PCDH9: variants seen among roughly 807,000 people sequenced by gnomAD.
PCDH9 encodes protocadherin 9, also known as protocadherin-9.
Under a neutral mutation model 70.6 loss-of-function variants are expected in PCDH9, and 24 were observed. That is an observed-to-expected ratio of 0.34 (90% confidence interval 0.25 to 0.48). PCDH9 has a LOEUF of 0.48. Ranked by LOEUF, PCDH9 falls within the 20% of genes least tolerant of loss-of-function variation. PCDH9 has a pLI of 0.99. For missense variants in PCDH9, 1,281 were observed against 1,503.6 expected, an observed-to-expected ratio of 0.85 and a Z score of 2.45; for synonymous variants, 562 against 558.5, an observed-to-expected ratio of 1.01 and a Z score of -0.09.
At chr13:66,897,370 T>C (rs1324181760) in intron 3 of PCDH9, among the ~76,000 whole-genome samples, 3 of 151,914 alleles carry the variant, frequency 2.0e-5, no homozygotes, top group Admixed American at 2.0e-4. Flanking sequence ...TCTAAAGAAG[T>C]CTCAACTTTG....
rs941736842 is a variant in PCDH9 at position 66,457,011 on chromosome 13, G to T, written c.3341-151983C>A. ...AAAAGTAATTACTATCCTGAATTTA[G>T]TAAATATTATGTCTTCATGCTTTTT... On this transcript the variant is annotated intron_variant, in intron 4 of 4. Coordinates refer to ENST00000377865, the MANE Select transcript of PCDH9 (RefSeq NM_203487.3). Among the ~76,000 whole-genome samples, 3 of 152,006 alleles carry T rather than the reference G, an allele frequency of 2.0e-5. No homozygotes were observed. The East Asian group carries it at 5.8e-4, about 29-fold the overall frequency.
At chr13:66,733,941 C>T (rs899749759) in intron 3 of PCDH9, among the ~76,000 whole-genome samples, 1 of 152,112 alleles carries the variant, frequency 6.6e-6, no homozygotes, top group Non-Finnish European at 1.5e-5. Context: ...GGCTTTGCCC[C>T]GGAGAGGTCT....
chr13:66,940,810 A>G (rs2082995504), intron 2 of PCDH9, among the ~76,000 whole-genome samples: 1 of 151,652 alleles, frequency 6.6e-6, no homozygotes, highest in South Asian at 2.1e-4. Context: ...AAAAAATTTC[A>G]GAGTCATTCA....
chr13:67,210,337 G>A (rs1232553119), intron 2 of PCDH9: 1 of 151,896 alleles, frequency 6.6e-6, no homozygotes, highest in Admixed American at 6.6e-5. Context: ...AAAGATAGAG[G>A]CAATACTGTG....
intron 2 of PCDH9, among the ~76,000 whole-genome samples, chr13:67,092,388 G>T (rs1280208134): frequency 1.6e-5 from 2 of 123,046 alleles, no homozygotes; most frequent in Non-Finnish European, 3.7e-5. Flanking sequence ...TCAATAACAT[G>T]TTTTTTTTAT....
intron 2 of PCDH9, among the ~76,000 whole-genome samples, chr13:66,925,199 CAG>C (rs1490399416): frequency 6.6e-6 from 1 of 151,802 alleles, no homozygotes; most frequent in African/African-American, 2.4e-5. Context: ...GATGATTGTT[CAG>C]AGAGTTTAAA....
intron 3 of PCDH9, among the ~76,000 whole-genome samples, chr13:66,773,643 A>C (rs1259931932): frequency 6.6e-6 from 1 of 151,432 alleles, no homozygotes; most frequent in African/African-American, 2.4e-5. Context: ...AAAATAAATA[A>C]ATAAAATAAA....
At chr13:66,559,675 C>T (rs900163946) in intron 4 of PCDH9, among the ~76,000 whole-genome samples, 6 of 150,044 alleles carry the variant, frequency 4.0e-5, no homozygotes, top group Middle Eastern at 3.4e-3. Context: ...TGGCGGGTGC[C>T]TGTAGTCCCA....
At chr13:66,598,020 C>G (rs1326248196) in intron 4 of PCDH9, among the ~76,000 whole-genome samples, 1 of 151,590 alleles carries the variant, frequency 6.6e-6, no homozygotes, top group African/African-American at 2.4e-5. Flanking sequence ...AAAACCACAA[C>G]AAGATATCAC....
chr13:66,400,448 A>G (rs746233771), intron 4 of PCDH9, among the ~76,000 whole-genome samples: 50 of 152,174 alleles, frequency 3.3e-4, no homozygotes, highest in Non-Finnish European at 6.6e-4. Context: ...AAAATATATC[A>G]TCATCAGTTA....
At chr13:66,481,942 G>GCACACACA (rs10611896) in intron 4 of PCDH9, among the ~76,000 whole-genome samples, 1 of 148,616 alleles carries the variant, frequency 6.7e-6, no homozygotes, top group Non-Finnish European at 1.5e-5. Context: ...ACACATGCAC[G>GCACACACA]CACACACACA....
intron 4 of PCDH9, among the ~76,000 whole-genome samples, chr13:66,572,298 C>T (rs1349029181): frequency 2.6e-5 from 4 of 152,068 alleles, no homozygotes; most frequent in African/African-American, 9.7e-5. Flanking sequence ...ACTATGTGTG[C>T]TAGCATACAC....
chr13:66,800,603 T>C (rs1256139686), intron 3 of PCDH9, among the ~76,000 whole-genome samples: 1 of 152,132 alleles, frequency 6.6e-6, no homozygotes, highest in East Asian at 1.9e-4. Context: ...ATACGCCAAA[T>C]GGATAAATAA....
At chr13:66,905,425 A>C (rs2082344846) in intron 2 of PCDH9, among the ~76,000 whole-genome samples, 1 of 152,160 alleles carries the variant, frequency 6.6e-6, no homozygotes, top group Admixed American at 6.6e-5. Context: ...ATTTTTAAAA[A>C]TGTCAATGAC....
chr13:66,383,525 C>T (rs1956880941), intron 4 of PCDH9, among the ~76,000 whole-genome samples: 1 of 152,164 alleles, frequency 6.6e-6, no homozygotes, highest in Non-Finnish European at 1.5e-5. Context: ...AGCTGCAATT[C>T]TAGGACATTA....
At chr13:66,416,943 C>G (rs1016790581) in intron 4 of PCDH9, among the ~76,000 whole-genome samples, 4 of 152,134 alleles carry the variant, frequency 2.6e-5, no homozygotes, top group African/African-American at 9.7e-5. Flanking sequence ...AAAATGTTAT[C>G]AAATATTTTA....
intron 4 of PCDH9, among the ~76,000 whole-genome samples, chr13:66,448,323 C>T (rs144317375): frequency 3.3e-5 from 5 of 152,162 alleles, no homozygotes; most frequent in African/African-American, 7.2e-5. Context: ...CTGCAGTGGA[C>T]GTGTGAAGTG....
chr13:67,173,258 C>T (rs1360998679), intron 2 of PCDH9, among the ~76,000 whole-genome samples: 1 of 152,008 alleles, frequency 6.6e-6, no homozygotes, highest in Non-Finnish European at 1.5e-5. Flanking sequence ...TAGAATTTGA[C>T]ATTTGTTACA....
At chr13:66,656,027 A>G (rs534157818) in intron 3 of PCDH9, among the ~76,000 whole-genome samples, 1 of 152,326 alleles carries the variant, frequency 6.6e-6, no homozygotes, top group South Asian at 2.1e-4. Flanking sequence ...CAAGCTGCTC[A>G]CAATTGATTC....
Sources: allele counts gnomAD v4.1 joint callset (sites outside exome capture counted in the v4.1 genomes callset), GRCh38; gene constraint gnomAD v4.1.1; transcripts MANE v1.5; gene names NCBI Gene and HGNC (gene_info 2026-07-23, HGNC 2026-07-21).